Variants in DYRK4 observed in about 807,000 individuals in gnomAD.
DYRK4 encodes the protein dual specificity tyrosine-phosphorylation-regulated kinase 4.
In DYRK4, 64 loss-of-function variants were observed where a neutral mutation model predicts 68.3. The ratio of observed to expected loss-of-function variants is 0.94; its 90% CI spans 0.77 to 1.15. DYRK4 has a LOEUF of 1.15. Among genes scored for constraint, DYRK4 ranks in the 50% most tolerant of loss-of-function variants. The pLI is 0.00. For synonymous variants in DYRK4, 274 were observed against 289.9 expected (o/e 0.95, Z 0.56); for missense variants, 740 against 764.7 (o/e 0.97, Z 0.38).
At chr12:4,596,004 G>A in intron 6 of DYRK4, 145 bp from the exon 7 acceptor site, 4 of 850,712 alleles carry the variant, frequency 4.7e-6, no homozygotes, top group South Asian at 3.3e-5. Flanking sequence ...ATGAGATGAG[G>A]GCGAGAGTCG....
At chr12:4,607,057 C>T (rs1472208488) in intron 11 of DYRK4, among the ~76,000 whole-genome samples, 4 of 152,200 alleles carry the variant, frequency 2.6e-5, no homozygotes, top group Non-Finnish European at 5.9e-5. Context: ...CATCTGGCTG[C>T]TATCAAGGGT....
At chr12:4,576,012 G>T (rs1944785593) in intron 2 of DYRK4, among the ~76,000 whole-genome samples, 1 of 152,164 alleles carries the variant, frequency 6.6e-6, no homozygotes, top group Admixed American at 6.5e-5. Flanking sequence ...GATGAACGAA[G>T]ATTGATACAT....
chr12:4,586,729 C>CAGACACACACAG (rs1555122024), intron 2 of DYRK4, among the ~76,000 whole-genome samples: 1 of 112,362 alleles, frequency 8.9e-6, no homozygotes, highest in Non-Finnish European at 2.1e-5. Flanking sequence ...CACACACACA[C>CAGACACACACAG]ACAGACACAC....
chr12:4,612,891 C>T, intron 14 of DYRK4, 173 bp downstream of exon 14: 1 of 656,402 alleles, frequency 1.5e-6, no homozygotes, highest in Non-Finnish European at 2.5e-6. Flanking sequence ...GAAGGATTTG[C>T]ATGTCAATTT....
At chr12:4,608,548 G>C (rs1945180582) in intron 12 of DYRK4, among the ~76,000 whole-genome samples, 1 of 152,092 alleles carries the variant, frequency 6.6e-6, no homozygotes, top group South Asian at 2.1e-4. Context: ...GTCTATTTCT[G>C]TACCATTTGG....
intron 2 of DYRK4, among the ~76,000 whole-genome samples, chr12:4,586,209 A>C (rs769346512): frequency 6.6e-6 from 1 of 152,138 alleles, no homozygotes; most frequent in Non-Finnish European, 1.5e-5. Flanking sequence ...ACAAGAAAAG[A>C]GCCTCGTTGG....
chr12:4,603,766 T>C (rs1945108539), intron 10 of DYRK4, among the ~76,000 whole-genome samples: 1 of 152,246 alleles, frequency 6.6e-6, no homozygotes, highest in South Asian at 2.1e-4. Context: ...AAAGAACTTG[T>C]ATGTTTTCCC....
intron 12 of DYRK4, 97 bp from the exon 13 acceptor site, chr12:4,610,054 CAGAG>C (rs1398684301): frequency 4.3e-5 from 45 of 1,054,612 alleles, no homozygotes; most frequent in Admixed American, 8.5e-5. Context: ...GTGTGTAAGA[CAGAG>C]AGCAAAAGAG....
At chr12:4,599,239 T>A in intron 9 of DYRK4, 73 bp downstream of exon 9, 20 of 1,063,962 alleles carry the variant, frequency 1.9e-5, no homozygotes, top group East Asian at 2.8e-5. Flanking sequence ...CGTGTAACAA[T>A]CACAAACTCC....
rs1353786560 is a variant in DYRK4 at position 4,612,631 on chromosome 12, C to T, written c.1579C>T (p.Pro527Ser). The change falls in exon 14 of 15, where the codon CCC becomes TCC. Residue 527 changes from proline (P) to serine (S), a missense_variant. By Grantham distance (74) the Pro-to-Ser change is moderately conservative. Around this residue, in one of 3 missense-constraint regions of DYRK4, gnomAD observed 614 missense variants for 603.7 expected, o/e 1.02. Transcript: ENST00000543431. ...TCGGAACCTCAAGCCACAGCCCAGG[C>T]CCCAGACCCTGAGGAAATCCAATTC... ...QSRNLKPQPR[P>S]QTLRKSNSFF... 1.9e-6 allele frequency: 3 copies of T among 1,614,054 alleles called. No individual in the cohort carries two copies. In the East Asian group the frequency reaches 6.7e-5, roughly 36 times the overall value.
At chr12:4,568,919 A>T (rs1452784632) in intron 2 of DYRK4, among the ~76,000 whole-genome samples, 3 of 152,178 alleles carry the variant, frequency 2.0e-5, no homozygotes, top group East Asian at 3.9e-4. Flanking sequence ...TGAAAGTTTC[A>T]CAGCAAACTT....
intron 10 of DYRK4, among the ~76,000 whole-genome samples, chr12:4,603,962 A>G (rs1225146879): frequency 6.6e-6 from 1 of 152,218 alleles, no homozygotes; most frequent in Non-Finnish European, 1.5e-5. Context: ...TGATGCTAGA[A>G]TTAAACTGCC....
chr12:4,599,164 C>T lies in DYRK4; in HGVS notation c.1042C>T (p.Pro348Ser), dbSNP rs149277354. ...VEKIIHCDLKPENIVLYQKGQ... is the reference protein window; with the variant it reads ...VEKIIHCDLKSENIVLYQKGQ... ...GAAAATCATTCACTGTGATCTCAAG[C>T]CCGTGAGTACCATCTCCGTCCTGCC... The change falls in exon 9 of 15, where the codon CCC becomes TCC. Residue 348 changes from proline to serine, a missense_variant and splice_region_variant. This residue lies in a region of DYRK4 where 614 missense variants were observed against 603.7 expected (regional missense o/e 1.02). Transcript: ENST00000543431. 1.2e-5 allele frequency: 19 copies of T among 1,613,740 alleles called. No individual in the cohort carries two copies. The highest frequency in any genetic ancestry group is 2.2e-5 in the South Asian group (2 of 91,068).
chr12:4,592,973 A>T (rs1444935495), intron 5 of DYRK4, 29 bp from the exon 6 acceptor site: 2 of 1,602,072 alleles, frequency 1.2e-6, no homozygotes, highest in East Asian at 2.2e-5. Context: ...GCCTCAACTG[A>T]ACTCACAATT....
chr12:4,581,521 T>A (rs1944841614), intron 2 of DYRK4, among the ~76,000 whole-genome samples: 1 of 152,200 alleles, frequency 6.6e-6, no homozygotes, highest in African/African-American at 2.4e-5. Flanking sequence ...ATTCGCTGAT[T>A]AGAGGCTTTC....
At chr12:4,563,525 A>G (rs1260079171) in intron 1 of DYRK4, among the ~76,000 whole-genome samples, 1 of 152,264 alleles carries the variant, frequency 6.6e-6, no homozygotes, top group Admixed American at 6.5e-5. Context: ...TAGAAATGCA[A>G]TGACCACATC....
Position 4,562,297 on chromosome 12 carries a change from A to T in DYRK4, c.38+14A>T. 6.5e-7 allele frequency: 1 copy of T among 1,531,416 alleles called. No homozygotes were observed. The highest frequency in any genetic ancestry group is 8.7e-7 in the Non-Finnish European group (1 of 1,144,746). 94.9% of individuals were successfully genotyped at this position (1,531,416 alleles called of 1,614,324 possible). On this transcript the variant is annotated intron_variant, in intron 1 of 14. Transcript: ENST00000543431. Reference sequence around the variant, plus strand: ...CACCGGAACAAAGTAAGGGCCGCGGAGGCTCGTACTTCACGAGCAGTCAGG... The same window carrying T: ...CACCGGAACAAAGTAAGGGCCGCGGTGGCTCGTACTTCACGAGCAGTCAGG...
chr12:4,574,291 G>T (rs1480545550), intron 2 of DYRK4, among the ~76,000 whole-genome samples: 1 of 149,814 alleles, frequency 6.7e-6, no homozygotes, highest in Non-Finnish European at 1.5e-5. Flanking sequence ...ATGGTATCTC[G>T]TCCTGTTCAT....
intron 2 of DYRK4, among the ~76,000 whole-genome samples, chr12:4,570,675 A>G (rs547462869): frequency 3.5e-4 from 54 of 152,346 alleles, no homozygotes; most frequent in Admixed American, 2.1e-3. Flanking sequence ...ATTTAAATAA[A>G]TTAATAATTA....
Sources: allele counts gnomAD v4.1 joint callset (sites outside exome capture counted in the v4.1 genomes callset), GRCh38; gene constraint gnomAD v4.1.1; regional missense constraint gnomAD v4.1.1; transcripts MANE v1.5; gene names NCBI Gene and HGNC (gene_info 2026-07-23, HGNC 2026-07-21).